The following DHX57 variants were observed in gnomAD, a reference collection of about 807,000 sequenced individuals.
The protein encoded by DHX57 is putative ATP-dependent RNA helicase DHX57.
Under a neutral mutation model 156.2 loss-of-function variants are expected in DHX57, and 105 were observed. The observed-to-expected ratio is 0.67, with a 90% CI of 0.57 to 0.79. DHX57 has a LOEUF of 0.79. DHX57 is among the 30% of genes least tolerant of loss of function. The pLI is 0.00. For missense variants in DHX57, 1,847 were observed against 1,661.9 expected (o/e 1.11, Z -1.94); for synonymous variants, 704 against 595.6 (o/e 1.18, Z -2.65).
At chr2:38,870,941 A>G (rs1665325051) in intron 1 of DHX57, among the ~76,000 whole-genome samples, 1 of 152,126 alleles carries the variant, frequency 6.6e-6, no homozygotes, top group South Asian at 2.1e-4. Flanking sequence ...AAAATCCAGA[A>G]AAGCTATCTT....
At chr2:38,829,338 A>G (rs1176551817) in intron 13 of DHX57, among the ~76,000 whole-genome samples, 1 of 151,080 alleles carries the variant, frequency 6.6e-6, no homozygotes, top group Non-Finnish European at 1.5e-5. Flanking sequence ...CTGAAGTGCA[A>G]TGATGTGATC....
chr2:38,866,391 G>T (rs954129352), intron 2 of DHX57, among the ~76,000 whole-genome samples: 1 of 152,128 alleles, frequency 6.6e-6, no homozygotes, highest in Admixed American at 6.5e-5. Flanking sequence ...CTTGAATGCT[G>T]TACTCAGAAC....
intron 11 of DHX57, among the ~76,000 whole-genome samples, chr2:38,846,430 G>C (rs1672291097): frequency 6.6e-6 from 1 of 151,732 alleles, no homozygotes; most frequent in African/African-American, 2.4e-5. Flanking sequence ...AGACCAGCCT[G>C]GGCAACATAA....
intron 23 of DHX57, among the ~76,000 whole-genome samples, chr2:38,799,471 G>T (rs866050532): frequency 1.3e-5 from 2 of 149,874 alleles, no homozygotes; most frequent in African/African-American, 2.5e-5. Context: ...TGGTAGATAG[G>T]CTGGGCCGGG....
At chr2:38,827,750 G>A (rs554634668) in intron 14 of DHX57, among the ~76,000 whole-genome samples, 1 of 151,858 alleles carries the variant, frequency 6.6e-6, no homozygotes, top group African/African-American at 2.4e-5. Context: ...TCTCATAATG[G>A]TAGGACTTCT....
chr2:38,865,551 A>G (rs1665026850), intron 2 of DHX57, among the ~76,000 whole-genome samples: 1 of 152,210 alleles, frequency 6.6e-6, no homozygotes, highest in Non-Finnish European at 1.5e-5. Context: ...AGAATGGACT[A>G]ATACAGGGGT....
chr2:38,861,261 C>T lies in DHX57; in HGVS notation c.1149G>A (p.Leu383=), dbSNP rs750372872. 4 of 1,614,118 alleles carry T rather than the reference C, an allele frequency of 2.5e-6. No individual in the cohort carries two copies. Among genetic ancestry groups the T allele is most frequent in the South Asian group, 1.1e-5 (1 of 91,084 alleles). ...AFYSTNENLP[L]ACRLHISEFL... ...ACTCAGAAATATGTAAACGACAAGC[C>T]AGAGGTAGGTTCTCATTGGTGGAAT... The change falls in exon 5 of 24, where the codon CTG becomes CTA. Residue 383 remains leucine (L), a synonymous_variant. Coordinates refer to ENST00000457308, the MANE Select transcript of DHX57 (RefSeq NM_198963.3).
rs755236995 is a variant in DHX57, at chr2:38,828,343, T to C, written c.2636A>G (p.Asn879Ser). Residue 879 changes from asparagine (N) to serine (S), a missense_variant, in exon 14 of 24, where the codon AAT becomes AGT. Asn to Ser is a conservative substitution (Grantham distance 46, BLOSUM62 1). Coordinates refer to ENST00000457308, the MANE Select transcript of DHX57 (RefSeq NM_198963.3). ...SNSLFNNRRS[N>S]RCVIHPLHSS... ...ATATAGAAAGCAATTAGCTTACCGA[T>C]TACTACGTCTGTTGTTGAAAAGAGA... 1.2e-6 allele frequency: 2 copies of C among 1,610,358 alleles called. No individual in the cohort carries two copies. The highest frequency in any genetic ancestry group is 2.7e-5 in the African/African-American group (2 of 74,756).
chr2:38,800,361 A>T (rs377426550), intron 23 of DHX57, among the ~76,000 whole-genome samples: 24 of 152,148 alleles, frequency 1.6e-4, no homozygotes, highest in African/African-American at 5.1e-4. Flanking sequence ...CTCAAAAAAA[A>T]AAATAAATAA....
Position 38,861,841 on chromosome 2 carries a change from T to C in DHX57, c.573-4A>G. ...GCGTTCAGTATTGAAACCATACCTG[T>C]CAAGGGCAAAACATGACAAAAATGA... On this transcript the variant is annotated splice_polypyrimidine_tract_variant and splice_region_variant and intron_variant, in intron 4 of 23. Transcript: ENST00000457308. 5.1e-6 allele frequency: 8 copies of C among 1,577,870 alleles called. No homozygotes were observed. The highest frequency in any genetic ancestry group is 2.2e-5 in the East Asian group (1 of 44,472).
chr2:38,847,223 G>A, intron 10 of DHX57, 150 bp from the exon 11 acceptor site: 1 of 642,738 alleles, frequency 1.6e-6, no homozygotes, highest in Non-Finnish European at 2.6e-6. Flanking sequence ...AAAAGTTCTG[G>A]TAACAGAAAT....
chr2:38,843,132 G>T lies in DHX57; in HGVS notation c.2298C>A (p.Asn766Lys). The T allele has an allele frequency of 1.2e-6, 2 of 1,614,194 alleles. No homozygotes were observed. Among genetic ancestry groups the T allele is most frequent in the African/African-American group, 1.3e-5 (1 of 75,068 alleles). ...ISKEKLKARRNRTAFEEVEED... is the reference protein window; with the variant it reads ...ISKEKLKARRKRTAFEEVEED... ...CTTCCACTTCTTCAAATGCAGTTCT[G>T]TTCCGCCTTGCTTTAAGCTTTTCCT... Residue 766 changes from asparagine to lysine, a missense_variant, in exon 12 of 24, where the codon AAC becomes AAA. By Grantham distance (94) the Asn-to-Lys change is moderately conservative. Transcript: ENST00000457308.
chr2:38,870,123 T>A (rs896048643), intron 1 of DHX57, among the ~76,000 whole-genome samples: 1 of 151,992 alleles, frequency 6.6e-6, no homozygotes, highest in Non-Finnish European at 1.5e-5. Flanking sequence ...GAGAAAGAAC[T>A]GATGAACTTG....
chr2:38,819,048 C>G lies in DHX57; in HGVS notation c.3387+1G>C. ...ACTAAGCTATTAGGTTATATACTTA[C>G]CTTATACGCTTGTAGAAGGGCCAGA... On this transcript the variant is annotated splice_donor_variant, in intron 18 of 23. Transcript: ENST00000457308. LOFTEE classifies it high-confidence loss of function. The G allele has an allele frequency of 6.2e-7, 1 of 1,614,182 alleles. No homozygotes were observed. Among genetic ancestry groups the G allele is most frequent in the South Asian group, 1.1e-5 (1 of 91,078 alleles).
intron 13 of DHX57, among the ~76,000 whole-genome samples, chr2:38,835,603 C>T (rs990573547): frequency 3.3e-5 from 5 of 152,082 alleles, no homozygotes; most frequent in African/African-American, 4.8e-5. Context: ...CCTCTATATG[C>T]GGAGTTCATG....
At chr2:38,831,088 T>A (rs907493912) in intron 13 of DHX57, among the ~76,000 whole-genome samples, 4 of 151,502 alleles carry the variant, frequency 2.6e-5, no homozygotes, top group Non-Finnish European at 4.4e-5. Context: ...ATTAAAAAAA[T>A]TATTTATTAA....
chr2:38,846,963 G>C, intron 11 of DHX57, 56 bp downstream of exon 11: 1 of 1,474,612 alleles, frequency 6.8e-7, no homozygotes, highest in Non-Finnish European at 9.4e-7. Context: ...TAGAATTACA[G>C]GGATGAACCA....
At chr2:38,800,315 C>T (rs1241058991) in intron 23 of DHX57, among the ~76,000 whole-genome samples, 1 of 151,362 alleles carries the variant, frequency 6.6e-6, no homozygotes, top group East Asian at 1.9e-4. Context: ...GATTGCGCCA[C>T]TGCACTCCAG....
rs1265579920 is a variant in DHX57, at chr2:38,861,580, T to G, written c.830A>C (p.Glu277Ala). 6.2e-7 allele frequency: 1 copy of G among 1,614,098 alleles called. No homozygotes were observed. Among genetic ancestry groups the G allele is most frequent in the African/African-American group, 1.3e-5 (1 of 74,938 alleles). ...GAATCTACTTGTCAGATACTCCAGT[T>G]CTAACCCAATGGTCCAGACTCTGTT... ...IQNRVWTIGL[E>A]LEYLTSRFRK... is the part of the protein sequence containing the mutation. The change falls in exon 5 of 24, where the codon GAA becomes GCA. Residue 277 changes from glutamate (E) to alanine (A), a missense_variant. Physicochemically the swap from Glu to Ala is moderately radical, Grantham distance 107 (BLOSUM62 -1). Transcript: ENST00000457308.
Sources: gnomAD v4.1 joint callset for allele counts (sites outside exome capture counted in the v4.1 genomes callset) on GRCh38, gnomAD v4.1.1 for gene constraint, MANE v1.5 for transcripts, NCBI Gene and HGNC (gene_info 2026-07-23, HGNC 2026-07-21) for gene names.